Variants in MGAT5 observed in about 807,000 individuals in gnomAD.
MGAT5 encodes alpha-1,6-mannosylglycoprotein 6-beta-N-acetylglucosaminyltransferase, also known as alpha-1,6-mannosylglycoprotein 6-beta-N-acetylglucosaminyltransferase A.
MGAT5 carries 30 observed loss-of-function variants against 94.3 expected under a neutral mutation model. The observed-to-expected ratio is 0.32, with a 90% CI of 0.24 to 0.43. The LOEUF (loss-of-function observed/expected upper bound fraction) is 0.43. MGAT5 is among the 20% of genes least tolerant of loss of function. The probability of loss-of-function intolerance (pLI) is 1.00; values close to 1 mark genes in which losing one functional copy is unlikely to be tolerated. For synonymous variants in MGAT5, 310 were observed against 322.9 expected (o/e 0.96, Z 0.43); for missense variants, 691 against 905.5 (o/e 0.76, Z 3.04).
At chr2:134,137,649 G>A (rs1039362665) in intron 1 of MGAT5, among the ~76,000 whole-genome samples, 1 of 152,012 alleles carries the variant, frequency 6.6e-6, no homozygotes, top group Non-Finnish European at 1.5e-5. Flanking sequence ...CAAATCCCTC[G>A]GATAACCATA....
At chr2:134,448,379 C>T (rs547110177) in intron 15 of MGAT5, among the ~76,000 whole-genome samples, 12 of 152,298 alleles carry the variant, frequency 7.9e-5, no homozygotes, top group African/African-American at 2.6e-4. Flanking sequence ...GGGTTGTTTC[C>T]AGTTTTTCTC....
intron 10 of MGAT5, among the ~76,000 whole-genome samples, chr2:134,394,148 C>T (rs758198368): frequency 2.0e-5 from 3 of 152,136 alleles, no homozygotes; most frequent in Admixed American, 6.5e-5. Context: ...ATATATGAGA[C>T]GTGCCCATTG....
At chr2:134,299,671 CCT>C (rs1685900349) in intron 2 of MGAT5, among the ~76,000 whole-genome samples, 1 of 152,094 alleles carries the variant, frequency 6.6e-6, no homozygotes, top group Admixed American at 6.6e-5. Context: ...ATATTTATCC[CCT>C]GTCCCCTCTT....
At chr2:134,232,332 T>C (rs1312151213) in intron 1 of MGAT5, among the ~76,000 whole-genome samples, 3 of 152,164 alleles carry the variant, frequency 2.0e-5, no homozygotes, top group Non-Finnish European at 4.4e-5. Flanking sequence ...TCTTCAGTGA[T>C]TTACCTGCCA....
intron 2 of MGAT5, among the ~76,000 whole-genome samples, chr2:134,282,299 G>A (rs186755538): frequency 7.9e-5 from 12 of 152,314 alleles, no homozygotes; most frequent in Admixed American, 5.9e-4. Context: ...CTGGGTGTAC[G>A]GAGCTGTCAA....
chr2:134,137,546 C>T (rs981430988), intron 1 of MGAT5, among the ~76,000 whole-genome samples: 3 of 152,204 alleles, frequency 2.0e-5, no homozygotes, highest in African/African-American at 4.8e-5. Context: ...CATCTCTTTC[C>T]ACTTGTAGCT....
In MGAT5 at chr2:134,376,400, G is replaced by T. The variant is rs370380595; in HGVS notation, c.1380+13992G>T. Among the ~76,000 whole-genome samples, 8 of 151,716 alleles carry T rather than the reference G, an allele frequency of 5.3e-5. No individual in the cohort carries two copies. In the East Asian group the frequency reaches 1.2e-3, roughly 22 times the overall value. On this transcript the variant is annotated intron_variant, in intron 10 of 15. Coordinates refer to ENST00000281923, the MANE Select transcript of MGAT5 (RefSeq NM_002410.5). Reference sequence around the variant, plus strand: ...CATTTACTGGAGATACACACAATTTGTCCTAAATTGTCCTAAAGACAGTGT... The same window carrying T: ...CATTTACTGGAGATACACACAATTTTTCCTAAATTGTCCTAAAGACAGTGT...
intron 10 of MGAT5, among the ~76,000 whole-genome samples, chr2:134,399,434 C>T (rs1291772471): frequency 3.3e-5 from 5 of 152,204 alleles, no homozygotes; most frequent in Admixed American, 1.3e-4. Context: ...CTCCAGCATG[C>T]GCTCTCCTTC....
Position 134,403,025 on chromosome 2 carries a change from T to C in MGAT5, c.1418T>C (p.Met473Thr). Reference protein sequence around the residue: ...KIYLDIIHTYMEVHATVYGSS... With the variant: ...KIYLDIIHTYTEVHATVYGSS... The stretch of plus-strand genomic sequence containing the variant: ...TACTTGGACATTATTCACACATACA[T>C]GGAAGTGCATGCAACTGTTTATGGC... The change falls in exon 11 of 16, where the codon ATG becomes ACG. Residue 473 changes from methionine to threonine, a missense_variant. Transcript: ENST00000281923. 6.2e-7 allele frequency: 1 copy of C among 1,609,928 alleles called. No homozygotes were observed. Among genetic ancestry groups the C allele is most frequent in the Non-Finnish European group, 8.5e-7 (1 of 1,179,078 alleles).
At chr2:134,296,681 C>G in intron 2 of MGAT5, among the ~76,000 whole-genome samples, 2 of 152,228 alleles carry the variant, frequency 1.3e-5, no homozygotes, top group South Asian at 4.1e-4. Flanking sequence ...CTTAACCTCT[C>G]TTTCTTCTGT....
At chr2:134,222,602 C>T (rs751989802) in intron 1 of MGAT5, among the ~76,000 whole-genome samples, 1 of 152,276 alleles carries the variant, frequency 6.6e-6, no homozygotes, top group Non-Finnish European at 1.5e-5. Context: ...GACTTGTTAA[C>T]AGTAGACAAA....
chr2:134,346,632 T>C (rs1688937894), intron 8 of MGAT5, among the ~76,000 whole-genome samples: 1 of 152,200 alleles, frequency 6.6e-6, no homozygotes, highest in African/African-American at 2.4e-5. Context: ...ATTAAATGTA[T>C]TGCTGTTATC....
chr2:134,378,828 C>G (rs557632546), intron 10 of MGAT5, among the ~76,000 whole-genome samples: 1 of 152,166 alleles, frequency 6.6e-6, no homozygotes, highest in Non-Finnish European at 1.5e-5. Context: ...GTTGGCCAGG[C>G]TGGTCTCAAA....
intron 1 of MGAT5, among the ~76,000 whole-genome samples, chr2:134,245,062 G>C (rs1031728178): frequency 3.3e-5 from 5 of 152,164 alleles, no homozygotes; most frequent in African/African-American, 1.2e-4. Context: ...GCCTAGGCTG[G>C]AGTGCAGTGG....
intron 1 of MGAT5, among the ~76,000 whole-genome samples, chr2:134,214,516 A>T (rs958599918): frequency 2.0e-5 from 3 of 151,930 alleles, no homozygotes; most frequent in African/African-American, 4.8e-5. Flanking sequence ...TTTGGGCCGC[A>T]TTCAAAGCTG....
chr2:134,144,739 T>C (rs975079415), intron 1 of MGAT5, among the ~76,000 whole-genome samples: 24 of 152,184 alleles, frequency 1.6e-4, no homozygotes, highest in African/African-American at 5.3e-4. Context: ...TCATATATAT[T>C]AGGGATGCAT....
intron 1 of MGAT5, among the ~76,000 whole-genome samples, chr2:134,263,736 A>C (rs1683481819): frequency 6.6e-6 from 1 of 152,164 alleles, no homozygotes. Flanking sequence ...AGTACAATTC[A>C]TTGTACTATG....
chr2:134,176,233 A>G (rs1008928980), intron 1 of MGAT5, among the ~76,000 whole-genome samples: 10 of 152,032 alleles, frequency 6.6e-5, no homozygotes, highest in African/African-American at 2.2e-4. Flanking sequence ...GGCCTTGGGA[A>G]TTGGCTGAAG....
chr2:134,183,098 A>C (rs73007494), intron 1 of MGAT5, among the ~76,000 whole-genome samples: 5,737 of 152,162 alleles, frequency 0.038, 377 homozygotes, highest in African/African-American at 0.13. Context: ...CCATAAGATT[A>C]ATTTTTAACC....
Sources: gnomAD v4.1 joint callset for allele counts (sites outside exome capture counted in the v4.1 genomes callset) on GRCh38, gnomAD v4.1.1 for gene constraint, MANE v1.5 for transcripts, NCBI Gene and HGNC (gene_info 2026-07-23, HGNC 2026-07-21) for gene names.